The following IPPK variants were observed in gnomAD, a reference collection of about 807,000 sequenced individuals.
The protein encoded by IPPK is inositol-pentakisphosphate 2-kinase, also known as IPK1 homolog.
A neutral mutation model predicts 64.6 loss-of-function variants in IPPK; 22 were observed. That is an observed-to-expected ratio of 0.34 (90% CI 0.24 to 0.49). The LOEUF (loss-of-function observed/expected upper bound fraction) is 0.49, where lower values mean the gene tolerates loss of function less well. IPPK is among the 20% of genes least tolerant of loss of function. IPPK has a pLI of 0.99. For missense variants in IPPK, 532 were observed against 630.7 expected (o/e 0.84, Z 1.68); for synonymous variants, 262 against 247.2 (o/e 1.06, Z -0.56).
Position 92,613,407 on chromosome 9 carries a change from G to T in IPPK, c.*2425C>A, listed in dbSNP as rs935419801. The T allele has an allele frequency of 3.0e-5, 12 of 395,102 alleles. No individual in the cohort carries two copies. Among genetic ancestry groups the T allele is most frequent in the African/African-American group, 2.5e-4 (12 of 48,616 alleles). The allele number at this position is 395,102 out of a possible 1,614,324, so 24.5% of individuals were successfully genotyped here. ...TAACATCTGAGAAAATGTACCAAGT[G>T]GTTGTGTGTCCTCAGATGTGTGGGG... On this transcript the variant is annotated 3_prime_UTR_variant, in exon 13 of 13. Coordinates refer to ENST00000287996, the MANE Select transcript of IPPK (RefSeq NM_022755.6).
intron 11 of IPPK, among the ~76,000 whole-genome samples, chr9:92,624,976 C>G (rs1408483230): frequency 6.6e-6 from 1 of 151,076 alleles, no homozygotes; most frequent in African/African-American, 2.4e-5. Flanking sequence ...AAAAACAGGA[C>G]AGACTAAACT....
chr9:92,664,454 T>C (rs1173485463), intron 1 of IPPK, among the ~76,000 whole-genome samples: 3 of 152,128 alleles, frequency 2.0e-5, no homozygotes, highest in Non-Finnish European at 4.4e-5. Flanking sequence ...GTATGGGGCA[T>C]GTCCTCAAGC....
chr9:92,619,796 C>T, intron 11 of IPPK: 1 of 550,280 alleles, frequency 1.8e-6, no homozygotes, highest in Non-Finnish European at 3.3e-6. Context: ...CGCCCCCTGA[C>T]CTCTCACGGC....
In IPPK at chr9:92,662,103, G is replaced by A. The variant is rs982357495; in HGVS notation, c.82-3422C>T. Among the ~76,000 whole-genome samples the A allele has an allele frequency of 7.2e-5, 11 of 152,308 alleles. 1 individual carries two copies. The highest frequency in any genetic ancestry group is 2.2e-4 in the African/African-American group (9 of 41,564). ...AAGAACCAACACCCCAGCAGGCTCC[G>A]AGCTCCTGCCAGCTCACCAGGTCTT... On this transcript the variant is annotated intron_variant, in intron 1 of 12. Transcript: ENST00000287996.
chr9:92,655,582 T>C (rs1017524727), intron 3 of IPPK, among the ~76,000 whole-genome samples: 2 of 152,108 alleles, frequency 1.3e-5, no homozygotes, highest in Admixed American at 6.5e-5. Flanking sequence ...AGGTTGCCAA[T>C]GGGACCTCGA....
At chr9:92,648,852 G>A (rs1283660501) in intron 5 of IPPK, among the ~76,000 whole-genome samples, 4 of 152,202 alleles carry the variant, frequency 2.6e-5, no homozygotes, top group Non-Finnish European at 1.5e-5. Flanking sequence ...GCTGAAGCAA[G>A]GGGGGCCCTG....
At position 92,635,223 on chromosome 9, in the gene IPPK, G is replaced by A. The variant is rs1423881021; in HGVS notation, c.1002C>T (p.Asp334=). The A allele has an allele frequency of 3.1e-6, 5 of 1,614,194 alleles. No individual in the cohort carries two copies. The highest frequency in any genetic ancestry group is 1.7e-5 in the Admixed American group (1 of 60,036). Residue 334 remains aspartate (D), a synonymous_variant, in exon 10 of 13, where the codon GAC becomes GAT. Coordinates refer to ENST00000287996, the MANE Select transcript of IPPK (RefSeq NM_022755.6). The surrounding 1 kb of genome is among the most constrained non-coding windows in gnomAD (Gnocchi z 4.4). Reference sequence around the variant, plus strand: ...TGTACAGAGGGTAGAGGCCTTCGATGTCCAGCAGGTCCAACATCTGCACCT... The same window carrying A: ...TGTACAGAGGGTAGAGGCCTTCGATATCCAGCAGGTCCAACATCTGCACCT... The part of the protein sequence containing the change: ...TLQVQMLDLL[D]IEGLYPLYNR...
At chr9:92,642,710 G>A in intron 7 of IPPK, 42 bp downstream of exon 7, 2 of 1,571,024 alleles carry the variant, frequency 1.3e-6, no homozygotes, top group Non-Finnish European at 1.8e-6. Context: ...CCCATCTCCA[G>A]GGAACCTGAC....
intron 5 of IPPK, among the ~76,000 whole-genome samples, chr9:92,649,145 G>A (rs1441511581): frequency 6.6e-6 from 1 of 152,218 alleles, no homozygotes; most frequent in Non-Finnish European, 1.5e-5. Flanking sequence ...CGGGTCAGGG[G>A]GACCCAACGC....
At chr9:92,637,868 G>T in intron 9 of IPPK, 133 bp downstream of exon 9, 1 of 941,354 alleles carries the variant, frequency 1.1e-6, no homozygotes, top group Non-Finnish European at 1.5e-6. Context: ...CGTGCTGGGA[G>T]CCCTGGCGTA....
chr9:92,640,760 C>T lies in IPPK; in HGVS notation c.586G>A (p.Ala196Thr). Residue 196 changes from alanine to threonine, a missense_variant, in exon 8 of 13, where the codon GCC (alanine) becomes ACC (threonine). Physicochemically the swap from Ala to Thr is moderately conservative, Grantham distance 58. Transcript: ENST00000287996. ...GCCTCCTGCAGCAAACTCTTCAAGG[C>T]AAAGTGCATTCTCTGTTTGTTTCTA... ...YSGNKQRMHF[A>T]LKSLLQEAQN... The T allele has an allele frequency of 6.2e-7, 1 of 1,612,602 alleles. No individual in the cohort carries two copies. The highest frequency in any genetic ancestry group is 8.5e-7 in the Non-Finnish European group (1 of 1,178,598).
chr9:92,661,366 T>C (rs377127028), intron 1 of IPPK, among the ~76,000 whole-genome samples: 2 of 152,204 alleles, frequency 1.3e-5, no homozygotes, highest in African/African-American at 4.8e-5. Flanking sequence ...TCTCAGCGTC[T>C]TTCTGGTGGC....
intron 12 of IPPK, chr9:92,618,742 CT>C (rs3839884): frequency 0.15 from 54,469 of 359,668 alleles, 5,015 homozygotes; most frequent in South Asian, 0.26. Context: ...AATTCTGTGC[CT>C]GCCAGGGAAC....
chr9:92,638,753 TGCTGGGTGGTACA>T (rs1851992909), intron 8 of IPPK, among the ~76,000 whole-genome samples: 1 of 152,240 alleles, frequency 6.6e-6, no homozygotes, highest in Non-Finnish European at 1.5e-5. Context: ...GTGACCCCAG[TGCTGGGTGGTACA>T]GCTGAGCCAG....
chr9:92,664,124 C>G (rs1451035909), intron 1 of IPPK, among the ~76,000 whole-genome samples: 2 of 152,216 alleles, frequency 1.3e-5, no homozygotes, highest in Non-Finnish European at 1.5e-5. Flanking sequence ...CTGTCAGTCA[C>G]CAGGGGCAGG....
At chr9:92,621,103 T>A (rs1298097041) in intron 11 of IPPK, among the ~76,000 whole-genome samples, 2 of 150,986 alleles carry the variant, frequency 1.3e-5, no homozygotes, top group East Asian at 3.9e-4. Flanking sequence ...GTTTCTTGTA[T>A]AAGGGCCTGA....
At chr9:92,616,188 A>AAATC in intron 12 of IPPK, 131 bp from the exon 13 acceptor site, 1 of 652,924 alleles carries the variant, frequency 1.5e-6, no homozygotes, top group Non-Finnish European at 2.6e-6. Context: ...AAAGTTAGAT[A>AAATC]AATCAATCTC....
At chr9:92,625,048 G>A (rs1851710299) in intron 11 of IPPK, among the ~76,000 whole-genome samples, 1 of 152,308 alleles carries the variant, frequency 6.6e-6, no homozygotes, top group Non-Finnish European at 1.5e-5. Context: ...CTGGTTGGAT[G>A]GGACAACAGG....
chr9:92,646,057 A>T (rs954046571), intron 6 of IPPK, among the ~76,000 whole-genome samples: 1 of 152,244 alleles, frequency 6.6e-6, no homozygotes, highest in African/African-American at 2.4e-5. Flanking sequence ...ATCACCCAGA[A>T]CATCATGTAG....
Sources: gnomAD v4.1 joint callset for allele counts (sites outside exome capture counted in the v4.1 genomes callset) on GRCh38, gnomAD v4.1.1 for gene constraint, Gnocchi (gnomAD v3.1) non-coding constraint, MANE v1.5 for transcripts, NCBI Gene and HGNC (gene_info 2026-07-23, HGNC 2026-07-21) for gene names.